Variants in AP5Z1 observed in about 807,000 individuals in gnomAD.
AP5Z1 encodes the protein adaptor related protein complex 5 subunit zeta 1.
Under a neutral mutation model 83.0 loss-of-function variants are expected in AP5Z1, and 106 were observed. The ratio of observed to expected loss-of-function variants is 1.28; its 90% CI spans 1.09 to 1.50. AP5Z1 has a LOEUF of 1.50. Among genes scored for constraint, AP5Z1 ranks in the 40% most tolerant of loss-of-function variants. The pLI, the probability that AP5Z1 is intolerant of heterozygous loss-of-function variation, is 0.00. For missense variants in AP5Z1, 1,565 were observed against 1,094.2 expected, an observed-to-expected ratio of 1.43 and a Z score of -6.07; for synonymous variants, 751 against 514.1, an observed-to-expected ratio of 1.46 and a Z score of -6.23.
intron 1 of AP5Z1, among the ~76,000 whole-genome samples, 187 bp downstream of exon 1, chr7:4,775,943 T>G (rs944627068): frequency 8.7e-5 from 13 of 149,780 alleles, no homozygotes; most frequent in African/African-American, 3.2e-4. Context: ...TCGGGGAGGG[T>G]CATGGTGGGT....
chr7:4,784,732 G>C (rs1401523786), intron 6 of AP5Z1, among the ~76,000 whole-genome samples, 176 bp from the exon 7 acceptor site: 4 of 152,206 alleles, frequency 2.6e-5, no homozygotes, highest in Non-Finnish European at 5.9e-5. Flanking sequence ...CCACCCTGAA[G>C]GGCGGCCGTG....
At chr7:4,775,812 C>A in intron 1 of AP5Z1, 56 bp downstream of exon 1, 1 of 1,585,644 alleles carries the variant, frequency 6.3e-7, no homozygotes, top group South Asian at 1.1e-5. Context: ...TAGGGGCACA[C>A]GGGGGTGGGT....
At chr7:4,781,547 C>G in intron 2 of AP5Z1, 21 bp from the exon 3 acceptor site, 1 of 1,600,390 alleles carries the variant, frequency 6.2e-7, no homozygotes, top group East Asian at 2.2e-5. Context: ...TACCGCCCAC[C>G]ACGGGCATCT....
intron 11 of AP5Z1, 142 bp from the exon 12 acceptor site, chr7:4,788,012 G>T (rs1781610566): frequency 7.4e-7 from 1 of 1,345,430 alleles, no homozygotes; most frequent in East Asian, 2.5e-5. Flanking sequence ...TCACGCCCAG[G>T]CCTGGAGCCT....
Position 4,783,362 on chromosome 7 carries a change from G to A in AP5Z1, c.413G>A (p.Arg138Gln), listed in dbSNP as rs746457615. Residue 138 changes from arginine to glutamine, a missense_variant, in exon 4 of 17, where the codon CGA becomes CAA. Physicochemically the swap from Arg to Gln is conservative, Grantham distance 43. Transcript: ENST00000649063. Reference protein sequence around the residue: ...EVRAVGQGVLRALESRQPEGP... With the variant: ...EVRAVGQGVLQALESRQPEGP... The stretch of plus-strand genomic sequence containing the variant: ...AGAGCCGTGGGCCAGGGCGTGCTAC[G>A]AGCGCTGGAGAGCCGGCAGCCTGAG... 6.2e-6 allele frequency: 10 copies of A among 1,613,048 alleles called. No homozygotes were observed. The highest frequency in any genetic ancestry group is 4.0e-5 in the African/African-American group (3 of 75,014).
At chr7:4,776,184 G>A (rs1450759376) in intron 1 of AP5Z1, among the ~76,000 whole-genome samples, 1 of 151,454 alleles carries the variant, frequency 6.6e-6, no homozygotes, top group Non-Finnish European at 1.5e-5. Flanking sequence ...GCCATCCGAG[G>A]GCTTTGCGGA....
At chr7:4,776,807 G>C (rs538268868) in intron 1 of AP5Z1, among the ~76,000 whole-genome samples, 1 of 152,110 alleles carries the variant, frequency 6.6e-6, no homozygotes, top group Non-Finnish European at 1.5e-5. Flanking sequence ...AACAAACTTG[G>C]TGAGGTGAGA....
At chr7:4,780,593 T>C (rs538493928) in intron 1 of AP5Z1, among the ~76,000 whole-genome samples, 2 of 152,176 alleles carry the variant, frequency 1.3e-5, no homozygotes, top group Admixed American at 1.3e-4. Flanking sequence ...TGAAACCCTG[T>C]CTTTACTAAA....
Position 4,791,589 on chromosome 7 carries a change from A to G in AP5Z1, c.*204A>G, listed in dbSNP as rs1223526494. 1.3e-6 allele frequency: 1 copy of G among 747,246 alleles called. No individual in the cohort carries two copies. Among genetic ancestry groups the G allele is most frequent in the Non-Finnish European group, 2.1e-6 (1 of 473,820 alleles). 46.3% of individuals were successfully genotyped at this position (747,246 alleles called of 1,614,324 possible). On this transcript the variant is annotated 3_prime_UTR_variant, in exon 17 of 17. Coordinates refer to ENST00000649063, the MANE Select transcript of AP5Z1 (RefSeq NM_014855.3). ...CTTTGTCTCCGAGCCTTTTGCTCCC[A>G]GGCAACACTGAGCTGAGCTGAGGGG... is the stretch of plus-strand genomic sequence containing the variant.
chr7:4,787,879 T>G, intron 11 of AP5Z1, 103 bp downstream of exon 11: 7 of 1,370,926 alleles, frequency 5.1e-6, no homozygotes, highest in Non-Finnish European at 6.8e-6. Flanking sequence ...GGGACCCTCC[T>G]TCTTCCCCCC....
Position 4,784,221 on chromosome 7 carries a change from G to T in AP5Z1, c.640G>T (p.Val214Leu), listed in dbSNP as rs576929346. Residue 214 changes from valine to leucine, a missense_variant, in exon 6 of 17, where the codon GTG becomes TTG. Val to Leu is a conservative substitution (Grantham distance 32, BLOSUM62 1). Coordinates refer to ENST00000649063, the MANE Select transcript of AP5Z1 (RefSeq NM_014855.3). ...RARQPGPVTE[V>L]DGAVATDFFT... ...CCCACAGCCGGGCCCCGTCACCGAG[G>T]TGGACGGGGCGGTAGCCACAGACTT... 2 of 1,586,164 alleles carry T rather than the reference G, an allele frequency of 1.3e-6. No individual in the cohort carries two copies. The highest frequency in any genetic ancestry group is 2.3e-5 in the East Asian group (1 of 43,278).
intron 14 of AP5Z1, 85 bp from the exon 15 acceptor site, chr7:4,790,373 TC>T (rs1381571849): frequency 1.3e-5 from 20 of 1,597,558 alleles, no homozygotes; most frequent in Non-Finnish European, 1.6e-5. Context: ...CTCAGACGCT[TC>T]CCGGGTTTCT....
In AP5Z1 at chr7:4,781,598, G is replaced by GGCCACCCTCGGCCTGCCTGCAT; in HGVS notation, c.214_235dup (p.Pro79HisfsTer26). The stretch of plus-strand genomic sequence containing the variant: ...AGAAGACATGCGTAGACCTGCTGCA[G>GGCCACCCTCGGCCTGCCTGCAT]GCCACCCTCGGCCTGCCTGCATGCC... On this transcript the variant is annotated frameshift_variant, in exon 3 of 17. Coordinates refer to ENST00000649063, the MANE Select transcript of AP5Z1 (RefSeq NM_014855.3). LOFTEE classifies it high-confidence loss of function. The GGCCACCCTCGGCCTGCCTGCAT allele has an allele frequency of 6.2e-7, 1 of 1,609,306 alleles. No homozygotes were observed. Among genetic ancestry groups the GGCCACCCTCGGCCTGCCTGCAT allele is most frequent in the Non-Finnish European group, 8.5e-7 (1 of 1,177,100 alleles).
intron 13 of AP5Z1, among the ~76,000 whole-genome samples, chr7:4,789,513 C>T (rs1036741309): frequency 7.2e-5 from 11 of 152,226 alleles, no homozygotes; most frequent in African/African-American, 1.4e-4. Flanking sequence ...GTGGGGAGGC[C>T]GGCAGGGGGC....
At chr7:4,776,478 A>G (rs2115094158) in intron 1 of AP5Z1, among the ~76,000 whole-genome samples, 1 of 150,660 alleles carries the variant, frequency 6.6e-6, no homozygotes, top group Admixed American at 6.6e-5. Flanking sequence ...CCACTTTGGG[A>G]GGCCAAGGCA....
chr7:4,783,525 CATGGTGGGTTGGGAGT>C, intron 4 of AP5Z1, 65 bp downstream of exon 4: 1 of 1,582,820 alleles, frequency 6.3e-7, no homozygotes, highest in Non-Finnish European at 8.6e-7. Context: ...CCTGAGGGCC[CATGGTGGGTTGGGAGT>C]GTGGGGGGCA....
At chr7:4,777,325 T>A (rs1254465765) in intron 1 of AP5Z1, among the ~76,000 whole-genome samples, 1 of 152,006 alleles carries the variant, frequency 6.6e-6, no homozygotes. Flanking sequence ...CATAAACTTG[T>A]GACATGAAAA....
chr7:4,790,834 G>A lies in AP5Z1; in HGVS notation c.2100G>A (p.Val700=). Residue 700 remains valine, a synonymous_variant, in exon 16 of 17, where the codon GTG becomes GTA. Transcript: ENST00000649063. ...LPRCPPQVVT[V]LMTTLTKLAS... ...GGTGTCCCCCCCAGGTGGTCACCGT[G>A]CTGATGACCACGCTGACGAAGCTGG... The A allele has an allele frequency of 6.2e-7, 1 of 1,609,484 alleles. No homozygotes were observed. The highest frequency in any genetic ancestry group is 8.5e-7 in the Non-Finnish European group (1 of 1,178,928).
At position 4,777,351 on chromosome 7, in the gene AP5Z1, C is replaced by CTATT. The variant is rs1256767624; in HGVS notation, c.41+1596_41+1597insATTT. ...GACATGAAAAACAAAAGGAAGAGCC[C>CTATT]TCTTTATTTATTTATTTATTTATTT... is the stretch of plus-strand genomic sequence containing the variant. On this transcript the variant is annotated intron_variant, in intron 1 of 16. Transcript: ENST00000649063. Among the ~76,000 whole-genome samples the CTATT allele has an allele frequency of 7.6e-4, 106 of 139,350 alleles. 1 individual carries two copies. The highest frequency in any genetic ancestry group is 3.9e-3 in the Admixed American group (57 of 14,508). The allele number at this position is 139,350 out of a possible 152,430, so 91.4% of individuals were successfully genotyped here. A position where few individuals can be genotyped will look rare whatever the true frequency, so the allele number is the denominator to read the frequency against.
Sources: gnomAD v4.1 joint callset for allele counts (sites outside exome capture counted in the v4.1 genomes callset) on GRCh38, gnomAD v4.1.1 for gene constraint, MANE v1.5 for transcripts, NCBI Gene and HGNC (gene_info 2026-07-23, HGNC 2026-07-21) for gene names.